Variants in ABCB1 observed in about 807,000 individuals in gnomAD.
ABCB1 encodes ATP-dependent translocase ABCB1.
Under a neutral mutation model 142.0 loss-of-function variants are expected in ABCB1, and 69 were observed. The observed-to-expected ratio is 0.49, with a 90% CI of 0.40 to 0.59. The LOEUF (loss-of-function observed/expected upper bound fraction) is 0.59, where lower values mean the gene tolerates loss of function less well. Ranked by LOEUF, ABCB1 falls within the 20% of genes least tolerant of loss-of-function variation. ABCB1 has a pLI of 0.00. For missense variants in ABCB1, 1,326 were observed against 1,554.7 expected, an observed-to-expected ratio of 0.85 and a Z score of 2.47; for synonymous variants, 532 against 539.2, an observed-to-expected ratio of 0.99 and a Z score of 0.18.
chr7:87,571,968 G>A (rs992681390), intron 4 of ABCB1, among the ~76,000 whole-genome samples: 1 of 152,164 alleles, frequency 6.6e-6, no homozygotes, highest in African/African-American at 2.4e-5. Flanking sequence ...AAGAGATGCA[G>A]AAGCTTAGAA....
rs1161453387 is a variant in ABCB1 at position 87,693,437 on chromosome 7, A to G, written c.-331+19724T>C. Reference sequence around the variant, plus strand: ...GTTTATAACTTTTAGAAAAGTTAACATTTAAAAATGTGTATTTATTTTTAA... The same window carrying G: ...GTTTATAACTTTTAGAAAAGTTAACGTTTAAAAATGTGTATTTATTTTTAA... On this transcript the variant is annotated intron_variant, in intron 1 of 28. Coordinates refer to the ABCB1 transcript ENST00000265724. 1.4e-3 allele frequency among the ~76,000 whole-genome samples: 206 copies of G among 152,218 alleles called. 3 individuals are homozygous for G. Among genetic ancestry groups the G allele is most frequent in the Non-Finnish European group, 1.2e-4 (8 of 68,034 alleles).
upstream of ABCB1, among the ~76,000 whole-genome samples, chr7:87,603,560 A>T (rs1259529175): frequency 2.6e-5 from 4 of 152,212 alleles, no homozygotes; most frequent in Admixed American, 1.3e-4. Context: ...GAACCACAAC[A>T]CATCACTTCT....
chr7:87,646,003 C>T (rs1173137736), intron 1 of ABCB1, among the ~76,000 whole-genome samples: 1 of 152,174 alleles, frequency 6.6e-6, no homozygotes, highest in African/African-American at 2.4e-5. Flanking sequence ...CTTTCTCACC[C>T]TTAAATGTCT....
chr7:87,681,288 T>C (rs1826904652), intron 1 of ABCB1, among the ~76,000 whole-genome samples: 1 of 150,544 alleles, frequency 6.6e-6, no homozygotes, highest in Non-Finnish European at 1.5e-5. Flanking sequence ...TCAATCCATC[T>C]CAGAAAATAG....
intron 14 of ABCB1, among the ~76,000 whole-genome samples, chr7:87,547,300 T>A (rs1332573434): frequency 6.6e-6 from 1 of 151,998 alleles, no homozygotes. Context: ...AATTTTTGTA[T>A]CTTTTTAAGA....
At position 87,626,114 on chromosome 7, in the gene ABCB1, G is replaced by C. The variant is rs1471711479; in HGVS notation, c.-330-25036C>G. On this transcript the variant is annotated intron_variant, in intron 1 of 28. Transcript: ENST00000265724. ...TATATATATATTGTCATATATATGTGTCATATATATTGTCATATATATGTG... is the reference window on the plus strand; with the variant it reads ...TATATATATATTGTCATATATATGTCTCATATATATTGTCATATATATGTG... 2.3e-5 allele frequency among the ~76,000 whole-genome samples: 3 copies of C among 128,286 alleles called. No individual in the cohort carries two copies. The Admixed American group carries it at 2.4e-4, about 10-fold the overall frequency. The allele number at this position is 128,286 out of a possible 152,430, so 84.2% of individuals were successfully genotyped here.
intron 3 of ABCB1, among the ~76,000 whole-genome samples, chr7:87,589,602 T>C (rs1176971283): frequency 6.6e-6 from 1 of 151,838 alleles, no homozygotes; most frequent in Admixed American, 6.6e-5. Context: ...CTGGGCAACA[T>C]AGGAGACCCT....
intron 1 of ABCB1, among the ~76,000 whole-genome samples, chr7:87,616,797 A>G (rs893385768): frequency 6.6e-6 from 1 of 152,186 alleles, no homozygotes; most frequent in Non-Finnish European, 1.5e-5. Flanking sequence ...AGCCATTTGT[A>G]TATGCTCTTC....
intron 21 of ABCB1, among the ~76,000 whole-genome samples, chr7:87,530,889 A>G (rs1186175007): frequency 1.3e-5 from 2 of 151,650 alleles, no homozygotes; most frequent in East Asian, 3.9e-4. Flanking sequence ...AAAGAAAAAG[A>G]AAAGAAGGAA....
upstream of ABCB1, among the ~76,000 whole-genome samples, chr7:87,601,471 A>G (rs1239524596): frequency 2.6e-5 from 4 of 152,226 alleles, no homozygotes; most frequent in Non-Finnish European, 5.9e-5. Flanking sequence ...AGTGTGTAAT[A>G]TTTTAAAACT....
intron 1 of ABCB1, among the ~76,000 whole-genome samples, chr7:87,623,193 A>T (rs1820287723): frequency 6.6e-6 from 1 of 152,028 alleles, no homozygotes; most frequent in African/African-American, 2.4e-5. Context: ...ATATAATAAT[A>T]CTTACTTTAG....
intron 4 of ABCB1, among the ~76,000 whole-genome samples, chr7:87,579,312 A>T (rs1288276278): frequency 6.6e-6 from 1 of 152,126 alleles, no homozygotes; most frequent in African/African-American, 2.4e-5. Context: ...ATCTTGAAGG[A>T]AAGGCTTTCA....
intron 27 of ABCB1, among the ~76,000 whole-genome samples, chr7:87,505,646 T>C (rs1814699308): frequency 6.6e-6 from 1 of 152,238 alleles, no homozygotes; most frequent in Non-Finnish European, 1.5e-5. Context: ...ATATGGTTCC[T>C]GAAAGCAGCT....
chr7:87,624,152 T>A (rs1169114610), intron 1 of ABCB1, among the ~76,000 whole-genome samples: 1 of 152,370 alleles, frequency 6.6e-6, no homozygotes. Context: ...AAAAAATTTA[T>A]ATCTATCCAT....
chr7:87,577,930 C>A (rs73200311), intron 4 of ABCB1, among the ~76,000 whole-genome samples: 3,822 of 152,180 alleles, frequency 0.025, 75 homozygotes, highest in Non-Finnish European at 0.037. Flanking sequence ...TTGATGTGAT[C>A]CATTTGTCCA....
At chr7:87,515,120 G>A in intron 25 of ABCB1, 111 bp downstream of exon 25, 1 of 1,345,408 alleles carries the variant, frequency 7.4e-7, no homozygotes, top group Non-Finnish European at 1.0e-6. Flanking sequence ...TATCCAAGTG[G>A]GACTGTTGTT....
rs1584865377 is a variant in ABCB1, at chr7:87,544,829, C to T, written c.2058G>A (p.Glu686=). Residue 686 remains glutamate, a synonymous_variant, in exon 16 of 28, where the codon GAG becomes GAA. Coordinates refer to ENST00000622132, the MANE Select transcript of ABCB1 (RefSeq NM_001348946.2). ...QAQDRKLSTK[E]ALDESIPPVS... Reference sequence around the variant, plus strand: ...TCCGCATCTCCCTTCATACCAGAGCCTCTTTGGTACTAAGCTTTCTGTCTT... The same window carrying T: ...TCCGCATCTCCCTTCATACCAGAGCTTCTTTGGTACTAAGCTTTCTGTCTT... The T allele has an allele frequency of 6.2e-7, 1 of 1,614,014 alleles. No individual in the cohort carries two copies. Among genetic ancestry groups the T allele is most frequent in the South Asian group, 1.1e-5 (1 of 91,082 alleles).
intron 4 of ABCB1, among the ~76,000 whole-genome samples, chr7:87,582,948 A>G (rs78514873): frequency 0.014 from 2,147 of 152,318 alleles, 49 homozygotes; most frequent in African/African-American, 0.049. Context: ...CATGGCTGGT[A>G]ACCAAGGAAA....
At chr7:87,539,393 A>T (rs763561392) in intron 18 of ABCB1, 48 bp from the exon 19 acceptor site, 1 of 1,554,818 alleles carries the variant, frequency 6.4e-7, no homozygotes, top group Admixed American at 1.7e-5. Flanking sequence ...CCATTTAAAT[A>T]AAAGGAGGGA....
Sources: allele counts gnomAD v4.1 joint callset (sites outside exome capture counted in the v4.1 genomes callset), GRCh38; gene constraint gnomAD v4.1.1; transcripts MANE v1.5; gene names NCBI Gene and HGNC (gene_info 2026-07-23, HGNC 2026-07-21).